Variants in GPAM observed in about 807,000 individuals in gnomAD.
GPAM encodes the protein glycerol-3-phosphate acyltransferase, mitochondrial, also known as glycerol-3-phosphate acyltransferase 1, mitochondrial.
A neutral mutation model predicts 105.0 loss-of-function variants in GPAM; 56 were observed. That is an observed-to-expected ratio of 0.53 (90% CI 0.43 to 0.67). GPAM has a LOEUF of 0.67. GPAM is among the 30% of genes least tolerant of loss of function. The pLI is 0.00. For synonymous variants in GPAM, 368 were observed against 354.4 expected (o/e 1.04, Z -0.43); for missense variants, 855 against 989.8 (o/e 0.86, Z 1.83).
intron 1 of GPAM, among the ~76,000 whole-genome samples, chr10:112,190,927 C>T (rs1847651018): frequency 6.6e-6 from 1 of 152,122 alleles, no homozygotes; most frequent in Non-Finnish European, 1.5e-5. Flanking sequence ...TGCTCCCAAG[C>T]TAAAATATTT....
At chr10:112,221,406 C>T in the GPAM span, among the ~76,000 whole-genome samples, 1 of 152,178 alleles carries the variant, frequency 6.6e-6, no homozygotes, top group East Asian at 1.9e-4. Context: ...GTGGGAGGAC[C>T]CCTGTATCAC....
rs563261253 is a variant in GPAM, at chr10:112,175,592, G to A, written c.413+8C>T. ...TCTTCCCACCTTTACACCTTGCCCC[G>A]CCCTTACCTACTGCTGTTCAGCACA... On this transcript the variant is annotated splice_region_variant and intron_variant, in intron 6 of 21. Coordinates refer to ENST00000348367, the MANE Select transcript of GPAM (RefSeq NM_001244949.2). The A allele has an allele frequency of 1.4e-5, 20 of 1,473,824 alleles. No homozygotes were observed. The highest frequency in any genetic ancestry group is 2.3e-5 in the East Asian group (1 of 44,234). 91.3% of individuals were successfully genotyped at this position (1,473,824 alleles called of 1,614,324 possible).
chr10:112,168,754 A>T, intron 10 of GPAM, 99 bp downstream of exon 10: 1 of 849,986 alleles, frequency 1.2e-6, no homozygotes, highest in Non-Finnish European at 2.0e-6. Context: ...CAGTTACTCA[A>T]AGAGCAGTTT....
intron 1 of GPAM, among the ~76,000 whole-genome samples, chr10:112,213,028 A>G (rs1417950743): frequency 6.6e-6 from 1 of 152,162 alleles, no homozygotes; most frequent in Non-Finnish European, 1.5e-5. Context: ...TCAGAACTGA[A>G]AGCATCTCAG....
intron 1 of GPAM, among the ~76,000 whole-genome samples, chr10:112,210,193 A>G (rs1214228518): frequency 6.6e-6 from 1 of 152,214 alleles, no homozygotes; most frequent in African/African-American, 2.4e-5. Context: ...CACATATACT[A>G]TCATTTTCCT....
chr10:112,204,780 C>T (rs945236554), intron 1 of GPAM, among the ~76,000 whole-genome samples: 2 of 149,682 alleles, frequency 1.3e-5, no homozygotes, highest in African/African-American at 2.5e-5. Context: ...CCTCTCTCAC[C>T]GCTCCTATTC....
chr10:112,190,170 T>A (rs1847639373), intron 1 of GPAM, among the ~76,000 whole-genome samples: 1 of 151,986 alleles, frequency 6.6e-6, no homozygotes, highest in Non-Finnish European at 1.5e-5. Context: ...TCAAACATTC[T>A]AAAAAAATAA....
At chr10:112,196,958 C>A (rs1331640231) in intron 1 of GPAM, among the ~76,000 whole-genome samples, 1 of 152,184 alleles carries the variant, frequency 6.6e-6, no homozygotes, top group African/African-American at 2.4e-5. Flanking sequence ...CTCCATAAAG[C>A]ATTGGAACAT....
chr10:112,193,453 A>G (rs1847686379), intron 1 of GPAM, among the ~76,000 whole-genome samples: 1 of 152,238 alleles, frequency 6.6e-6, no homozygotes, highest in African/African-American at 2.4e-5. Context: ...GCATTGTCCT[A>G]AGATCTAGAG....
intron 18 of GPAM, among the ~76,000 whole-genome samples, chr10:112,157,669 C>G (rs771781947): frequency 5.3e-5 from 8 of 152,174 alleles, no homozygotes; most frequent in Non-Finnish European, 1.0e-4. Flanking sequence ...TCCAGGCCAT[C>G]TCCTCTACAC....
At chr10:112,226,397 G>C in the GPAM span, among the ~76,000 whole-genome samples, 1 of 152,146 alleles carries the variant, frequency 6.6e-6, no homozygotes, top group Non-Finnish European at 1.5e-5. Flanking sequence ...GGAAGTGTGA[G>C]CCATTTCCCA....
intron 17 of GPAM, among the ~76,000 whole-genome samples, chr10:112,159,059 T>C (rs1423939653): frequency 6.6e-6 from 1 of 152,142 alleles, no homozygotes; most frequent in East Asian, 1.9e-4. Context: ...GAATTCTACA[T>C]GTTGATGACT....
At chr10:112,172,339 A>T (rs1847327719) in intron 8 of GPAM, 21 bp from the exon 9 acceptor site, 3 of 1,608,180 alleles carry the variant, frequency 1.9e-6, no homozygotes, top group Non-Finnish European at 2.6e-6. Flanking sequence ...GAAAAATGCC[A>T]AATTTAAAAC....
chr10:112,151,036 C>T lies in GPAM; in HGVS notation c.*2514G>A. ...TTTCATGCATTTTCAGAGTGCACAA[C>T]TTCCCTCCTCTCTTCTGAATCACTT... On this transcript the variant is annotated 3_prime_UTR_variant, in exon 22 of 22. Transcript: ENST00000348367. The T allele has an allele frequency of 2.0e-6, 2 of 985,108 alleles. No individual in the cohort carries two copies. Among genetic ancestry groups the T allele is most frequent in the Non-Finnish European group, 2.4e-6 (2 of 829,298 alleles). The allele number at this position is 985,108 out of a possible 1,614,324, so 61.0% of individuals were successfully genotyped here.
At chr10:112,203,176 G>A (rs2133297352) in intron 1 of GPAM, among the ~76,000 whole-genome samples, 1 of 152,294 alleles carries the variant, frequency 6.6e-6, no homozygotes, top group East Asian at 1.9e-4. Flanking sequence ...ATCTAGCTAA[G>A]ATGGAAATAT....
At chr10:112,191,729 G>C (rs1847660799) in intron 1 of GPAM, among the ~76,000 whole-genome samples, 1 of 152,114 alleles carries the variant, frequency 6.6e-6, no homozygotes, top group Non-Finnish European at 1.5e-5. Context: ...ATGGGCCTTT[G>C]TTTTCTCATG....
Position 112,153,514 on chromosome 10 carries a change from T to C in GPAM, c.*36A>G. On this transcript the variant is annotated 3_prime_UTR_variant, in exon 22 of 22. Coordinates refer to ENST00000348367, the MANE Select transcript of GPAM (RefSeq NM_001244949.2). ...AGCTGGTACCTACAAGGAACTCATC[T>C]CATGACCTTCATTTGCCAGCAGTGC... 1 of 1,613,172 alleles carries C rather than the reference T, an allele frequency of 6.2e-7. No homozygotes were observed. The highest frequency in any genetic ancestry group is 2.2e-5 in the East Asian group (1 of 44,842).
intron 1 of GPAM, among the ~76,000 whole-genome samples, chr10:112,199,332 G>A (rs1018475543): frequency 5.3e-5 from 8 of 152,122 alleles, no homozygotes; most frequent in South Asian, 2.1e-4. Flanking sequence ...ACTTATATGT[G>A]GGATACAGAA....
intron 7 of GPAM, 83 bp from the exon 8 acceptor site, chr10:112,173,149 C>G: frequency 1.2e-6 from 1 of 826,930 alleles, no homozygotes; most frequent in South Asian, 1.4e-5. Context: ...TGACTTCTGT[C>G]TACTTAAATT....
Sources: gnomAD v4.1 joint callset for allele counts (sites outside exome capture counted in the v4.1 genomes callset) on GRCh38, gnomAD v4.1.1 for gene constraint, MANE v1.5 for transcripts, NCBI Gene and HGNC (gene_info 2026-07-23, HGNC 2026-07-21) for gene names.